Variants in SEZ6L observed in about 807,000 individuals in gnomAD.
The protein encoded by SEZ6L is seizure 6-like protein.
SEZ6L carries 37 observed loss-of-function variants against 106.2 expected under a neutral mutation model. That is an observed-to-expected ratio of 0.35 (90% CI 0.27 to 0.46). The LOEUF is 0.46. SEZ6L is among the 20% of genes least tolerant of loss of function. SEZ6L has a pLI of 1.00. For synonymous variants in SEZ6L, 541 were observed against 570.4 expected, an observed-to-expected ratio of 0.95 and a Z score of 0.73; for missense variants, 1,172 against 1,332.8, an observed-to-expected ratio of 0.88 and a Z score of 1.88.
chr22:26,265,041 G>C (rs1036913696), intron 1 of SEZ6L, among the ~76,000 whole-genome samples: 5 of 152,060 alleles, frequency 3.3e-5, no homozygotes, highest in Non-Finnish European at 7.4e-5. Flanking sequence ...TTACAGACAG[G>C]ACCACCTATC....
At chr22:26,269,398 T>C (rs2080290504) in intron 1 of SEZ6L, among the ~76,000 whole-genome samples, 1 of 151,834 alleles carries the variant, frequency 6.6e-6, no homozygotes, top group African/African-American at 2.4e-5. Flanking sequence ...TGGCAGGGGG[T>C]CAGGAACTTA....
intron 1 of SEZ6L, among the ~76,000 whole-genome samples, chr22:26,287,899 A>T (rs1320444731): frequency 6.6e-6 from 1 of 152,206 alleles, no homozygotes; most frequent in Non-Finnish European, 1.5e-5. Context: ...TATCTGGTGG[A>T]TACAAAACTC....
At chr22:26,295,961 C>T (rs1170029212) in intron 3 of SEZ6L, among the ~76,000 whole-genome samples, 1 of 151,934 alleles carries the variant, frequency 6.6e-6, no homozygotes, top group Non-Finnish European at 1.5e-5. Context: ...AGGAGTTCAT[C>T]AAAGAGAAAA....
intron 1 of SEZ6L, among the ~76,000 whole-genome samples, chr22:26,258,885 C>G (rs1022161159): frequency 6.6e-6 from 1 of 152,048 alleles, no homozygotes; most frequent in African/African-American, 2.4e-5. Context: ...AGCTGGGGAA[C>G]AATATGGTCC....
At chr22:26,222,079 G>T (rs1043671788) in intron 1 of SEZ6L, among the ~76,000 whole-genome samples, 9 of 152,130 alleles carry the variant, frequency 5.9e-5, no homozygotes, top group Non-Finnish European at 1.3e-4. Context: ...ATAATCGCCT[G>T]GGGTGGCAGT....
intron 1 of SEZ6L, among the ~76,000 whole-genome samples, chr22:26,287,072 T>C (rs907047318): frequency 6.9e-6 from 1 of 144,456 alleles, no homozygotes; most frequent in African/African-American, 2.5e-5. Flanking sequence ...TTTTTTTTTT[T>C]CACTTTAATA....
intron 12 of SEZ6L, among the ~76,000 whole-genome samples, chr22:26,357,275 C>A (rs1263061995): frequency 6.6e-6 from 1 of 152,104 alleles, no homozygotes; most frequent in Admixed American, 6.5e-5. Flanking sequence ...TCCCACAGCA[C>A]CCCCTGTGAG....
intron 1 of SEZ6L, among the ~76,000 whole-genome samples, chr22:26,235,849 C>T (rs4478019): frequency 7.8e-4 from 118 of 152,202 alleles, no homozygotes; most frequent in East Asian, 7.2e-3. Flanking sequence ...GGGAAGCCAT[C>T]GGAGAATTCC....
At position 26,292,554 on chromosome 22, in the gene SEZ6L, C is replaced by T. The variant is rs758512776; in HGVS notation, c.243C>T (p.Gly81=). The change falls in exon 2 of 17, where the codon GGC becomes GGT. Residue 81 remains glycine (G), a synonymous_variant. Coordinates refer to ENST00000248933, the MANE Select transcript of SEZ6L (RefSeq NM_021115.5). The stretch of plus-strand genomic sequence containing the variant: ...CCTCACAGTCGGCGGAAGTGCTGGG[C>T]GAGCTGGTGCTGGATGGGACCGCAC... ...PSSSQSAEVL[G]ELVLDGTAPS... The T allele has an allele frequency of 6.3e-5, 101 of 1,613,672 alleles. No homozygotes were observed. The East Asian group carries it at 8.9e-4, about 14-fold the overall frequency.
intron 1 of SEZ6L, among the ~76,000 whole-genome samples, chr22:26,288,660 T>A (rs2145874273): frequency 6.6e-6 from 1 of 152,378 alleles, no homozygotes; most frequent in Non-Finnish European, 1.5e-5. Context: ...AATTTCTGCC[T>A]GATACGGTTG....
At chr22:26,332,662 G>C (rs772507330) in intron 9 of SEZ6L, among the ~76,000 whole-genome samples, 22 of 152,090 alleles carry the variant, frequency 1.4e-4, no homozygotes, top group Non-Finnish European at 2.2e-4. Context: ...TGCCCAGGCA[G>C]GTCTTGAACT....
In SEZ6L at chr22:26,308,196, G is replaced by GAAATGGGACTTTGACCTAAAGTCA. The variant is rs1439318947; in HGVS notation, c.1514+2059_1514+2082dup. ...CAGAGCTAGATAAGACTCTACATAA[G>GAAATGGGACTTTGACCTAAAGTCA]AAATGGGACTTTGACCTAAAGTCAA... On this transcript the variant is annotated intron_variant, in intron 6 of 16. Transcript: ENST00000248933. 6.2e-4 allele frequency among the ~76,000 whole-genome samples: 95 copies of GAAATGGGACTTTGACCTAAAGTCA among 152,266 alleles called. 1 individual carries two copies. The highest frequency in any genetic ancestry group is 7.1e-4 in the Non-Finnish European group (48 of 68,000).
intron 1 of SEZ6L, among the ~76,000 whole-genome samples, chr22:26,190,060 G>A (rs995929813): frequency 6.6e-6 from 1 of 151,188 alleles, no homozygotes; most frequent in African/African-American, 2.4e-5. Context: ...TGGCGCCACT[G>A]CACTCCAGCC....
chr22:26,377,519 G>T (rs1381867764), intron 15 of SEZ6L, among the ~76,000 whole-genome samples, 154 bp from the exon 16 acceptor site: 1 of 152,128 alleles, frequency 6.6e-6, no homozygotes, highest in South Asian at 2.1e-4. Context: ...CACCTCACTA[G>T]GATTCTCGCC....
At chr22:26,306,369 A>G (rs964782784) in intron 6 of SEZ6L, among the ~76,000 whole-genome samples, 25 of 152,330 alleles carry the variant, frequency 1.6e-4, no homozygotes. Context: ...CCCCAGCTCA[A>G]TCAGCAGGCT....
chr22:26,304,867 A>G (rs918194671), intron 5 of SEZ6L, among the ~76,000 whole-genome samples: 2 of 152,358 alleles, frequency 1.3e-5, no homozygotes, highest in Non-Finnish European at 2.9e-5. Flanking sequence ...ACAGTTATGC[A>G]TCACTTAACA....
chr22:26,262,773 A>G lies in SEZ6L; in HGVS notation c.95-29633A>G, dbSNP rs926974046. On this transcript the variant is annotated intron_variant, in intron 1 of 16. Coordinates refer to ENST00000248933, the MANE Select transcript of SEZ6L (RefSeq NM_021115.5). ...GGGGGAGCTTCTGAAAGCCCAGGAC[A>G]TGAAGCTCAAATTCTTTATCAAGAG... Among the ~76,000 whole-genome samples the G allele has an allele frequency of 2.6e-5, 4 of 152,324 alleles. No homozygotes were observed. In the East Asian group the frequency reaches 5.8e-4, roughly 22 times the overall value.
intron 3 of SEZ6L, 54 bp from the exon 4 acceptor site, chr22:26,296,834 T>C: frequency 1.4e-6 from 2 of 1,440,296 alleles, no homozygotes; most frequent in Non-Finnish European, 1.9e-6. Flanking sequence ...CTTAGAAGGC[T>C]CTGTCTCAAA....
At chr22:26,262,244 T>TTATC (rs58457773) in intron 1 of SEZ6L, among the ~76,000 whole-genome samples, 9,189 of 144,240 alleles carry the variant, frequency 0.064, 339 homozygotes, top group South Asian at 0.13. Context: ...TTGATATATT[T>TTATC]TATCTATCTA....
Sources: gnomAD v4.1 joint callset for allele counts (sites outside exome capture counted in the v4.1 genomes callset) on GRCh38, gnomAD v4.1.1 for gene constraint, MANE v1.5 for transcripts, NCBI Gene and HGNC (gene_info 2026-07-23, HGNC 2026-07-21) for gene names.